The following NFIB variants were observed in gnomAD, a reference collection of about 807,000 sequenced individuals.
The protein encoded by NFIB is nuclear factor I B, also known as nuclear factor 1 B-type.
NFIB carries 11 observed loss-of-function variants against 61.5 expected under a neutral mutation model. That is an observed-to-expected ratio of 0.18 (90% CI 0.11 to 0.30). NFIB has a LOEUF of 0.30. NFIB is among the 10% of genes least tolerant of loss of function. NFIB has a pLI of 1.00. For missense variants in NFIB, 471 were observed against 608.9 expected, an observed-to-expected ratio of 0.77 and a Z score of 2.38; for synonymous variants, 260 against 216.5, an observed-to-expected ratio of 1.20 and a Z score of -1.76.
At chr9:14,185,524 C>A (rs1447627575) in intron 2 of NFIB, among the ~76,000 whole-genome samples, 1 of 152,118 alleles carries the variant, frequency 6.6e-6, no homozygotes, top group Non-Finnish European at 1.5e-5. Flanking sequence ...CTGAAGTCCC[C>A]CAGGGTGAGG....
the NFIB span, among the ~76,000 whole-genome samples, chr9:14,410,198 C>CAA: frequency 3.4e-5 from 4 of 117,990 alleles, no homozygotes; most frequent in Non-Finnish European, 3.6e-5. Flanking sequence ...TACTATTTTC[C>CAA]AAAAAAAAAA....
At chr9:14,244,062 T>G (rs1000272119) in intron 2 of NFIB, among the ~76,000 whole-genome samples, 1 of 152,242 alleles carries the variant, frequency 6.6e-6, no homozygotes, top group Non-Finnish European at 1.5e-5. Flanking sequence ...ATAATTTTTC[T>G]TTCCTGAATT....
At chr9:14,228,197 CTTT>C (rs199731438) in intron 2 of NFIB, among the ~76,000 whole-genome samples, 18 of 132,528 alleles carry the variant, frequency 1.4e-4, no homozygotes, top group East Asian at 2.2e-4. Flanking sequence ...CTTTATGATT[CTTT>C]TTTTTTTTTT....
At chr9:14,513,799 C>T in the NFIB span, among the ~76,000 whole-genome samples, 1 of 152,072 alleles carries the variant, frequency 6.6e-6, no homozygotes, top group African/African-American at 2.4e-5. Flanking sequence ...TGACCTTAAG[C>T]AAGTTACTTC....
chr9:14,306,266 A>C (rs2060013947), intron 2 of NFIB, among the ~76,000 whole-genome samples: 1 of 152,150 alleles, frequency 6.6e-6, no homozygotes, highest in South Asian at 2.1e-4. Flanking sequence ...CCTCCTCGGT[A>C]AGTTTTATGA....
chr9:14,442,256 C>T, the NFIB span, among the ~76,000 whole-genome samples: 2 of 152,126 alleles, frequency 1.3e-5, no homozygotes, highest in Admixed American at 6.5e-5. Flanking sequence ...TGATATTCTC[C>T]CCACTAAAAT....
At chr9:14,437,302 G>C in the NFIB span, among the ~76,000 whole-genome samples, 3 of 152,268 alleles carry the variant, frequency 2.0e-5, no homozygotes, top group East Asian at 5.8e-4. Flanking sequence ...TATCTTTTAT[G>C]TGTTTTCTGA....
chr9:14,362,643 C>T (rs976726633), intron 1 of NFIB: 1 of 152,100 alleles, frequency 6.6e-6, no homozygotes, highest in Non-Finnish European at 1.5e-5. Context: ...TATCTATAAT[C>T]CCACACTTCA....
At chr9:14,359,354 G>C (rs905579771) in intron 1 of NFIB, among the ~76,000 whole-genome samples, 4 of 152,178 alleles carry the variant, frequency 2.6e-5, no homozygotes, top group African/African-American at 9.7e-5. Context: ...ATGGGATAAA[G>C]GCAGAAGCAA....
chr9:14,193,498 C>A (rs1451471642), intron 2 of NFIB, among the ~76,000 whole-genome samples: 2 of 152,130 alleles, frequency 1.3e-5, no homozygotes, highest in Admixed American at 6.6e-5. Flanking sequence ...TAATCCCTAA[C>A]AGGAAAGAGA....
chr9:14,404,406 T>C, the NFIB span, among the ~76,000 whole-genome samples: 1 of 152,198 alleles, frequency 6.6e-6, no homozygotes, highest in African/African-American at 2.4e-5. Flanking sequence ...GAAATCTTGA[T>C]GGATAGGAAT....
intron 2 of NFIB, among the ~76,000 whole-genome samples, chr9:14,253,572 G>A (rs961049586): frequency 1.3e-5 from 2 of 152,126 alleles, no homozygotes; most frequent in Non-Finnish European, 2.9e-5. Flanking sequence ...GCTCACACCT[G>A]TTAGTCCCAA....
the NFIB span, among the ~76,000 whole-genome samples, chr9:14,454,871 A>T: frequency 1.3e-5 from 2 of 152,172 alleles, no homozygotes; most frequent in East Asian, 3.8e-4. Context: ...TGGTCTCCCC[A>T]TTGCTTTTCC....
intron 10 of NFIB, among the ~76,000 whole-genome samples, chr9:14,098,034 A>T (rs2035147746): frequency 6.6e-6 from 1 of 152,100 alleles, no homozygotes; most frequent in Admixed American, 6.5e-5. Flanking sequence ...CTACAGAATG[A>T]AGTATTCAAC....
chr9:14,200,152 G>A (rs928950739), intron 2 of NFIB, among the ~76,000 whole-genome samples: 23 of 152,132 alleles, frequency 1.5e-4, no homozygotes, highest in Admixed American at 1.4e-3. Context: ...CTGTGAAACT[G>A]TTCATGCCTT....
chr9:14,214,266 G>A (rs1044563170), intron 2 of NFIB, among the ~76,000 whole-genome samples: 2 of 152,192 alleles, frequency 1.3e-5, no homozygotes, highest in African/African-American at 4.8e-5. Flanking sequence ...CATGCTCAAG[G>A]ATCTCAAAGC....
At chr9:14,230,281 A>C (rs2052960262) in intron 2 of NFIB, among the ~76,000 whole-genome samples, 1 of 152,206 alleles carries the variant, frequency 6.6e-6, no homozygotes, top group Admixed American at 6.5e-5. Flanking sequence ...TATGTCAGAG[A>C]TCATGTCCTC....
intron 2 of NFIB, among the ~76,000 whole-genome samples, chr9:14,274,844 G>C (rs962929280): frequency 6.6e-6 from 1 of 152,202 alleles, no homozygotes; most frequent in Non-Finnish European, 1.5e-5. Context: ...CATTGTTTCA[G>C]AACCAGAGAA....
intron 1 of NFIB, among the ~76,000 whole-genome samples, chr9:14,382,584 T>G (rs757570964): frequency 2.0e-5 from 3 of 152,018 alleles, no homozygotes; most frequent in African/African-American, 4.8e-5. Context: ...TAGTTTGGCA[T>G]TATCTAGTAA....
Sources: gnomAD v4.1 joint callset for allele counts (sites outside exome capture counted in the v4.1 genomes callset) on GRCh38, gnomAD v4.1.1 for gene constraint, MANE v1.5 for transcripts, NCBI Gene and HGNC (gene_info 2026-07-23, HGNC 2026-07-21) for gene names.